Variants in ADGRV1 observed in about 807,000 individuals in gnomAD.
ADGRV1 encodes adhesion G protein-coupled receptor V1.
A neutral mutation model predicts 596.2 loss-of-function variants in ADGRV1; 359 were observed. The observed-to-expected ratio is 0.60, with a 90% CI of 0.55 to 0.66. The LOEUF (loss-of-function observed/expected upper bound fraction) is 0.66. ADGRV1 is among the 30% of genes least tolerant of loss of function. The pLI is 0.00. For missense variants in ADGRV1, 7,274 were observed against 7,575.6 expected, an observed-to-expected ratio of 0.96 and a Z score of 1.48; for synonymous variants, 2,681 against 2,679.2, an observed-to-expected ratio of 1.00 and a Z score of -0.02.
At chr5:91,088,263 C>A (rs1018465459) in intron 86 of ADGRV1, among the ~76,000 whole-genome samples, 4 of 152,054 alleles carry the variant, frequency 2.6e-5, no homozygotes, top group Non-Finnish European at 5.9e-5. Context: ...ATACAATCTC[C>A]AAGACATGTG....
intron 86 of ADGRV1, 77 bp downstream of exon 86, chr5:91,072,681 T>C: frequency 1.4e-6 from 2 of 1,474,104 alleles, no homozygotes; most frequent in Non-Finnish European, 1.9e-6. Context: ...ATTTTTTTTA[T>C]CAAAAAGAGG....
intron 87 of ADGRV1, among the ~76,000 whole-genome samples, chr5:91,105,424 A>C (rs1232036130): frequency 6.6e-6 from 1 of 152,176 alleles, no homozygotes; most frequent in Admixed American, 6.5e-5. Context: ...ACTGTTCTCC[A>C]TAGTGGTTGT....
At chr5:91,155,671 G>C (rs897152851) in intron 89 of ADGRV1, among the ~76,000 whole-genome samples, 1 of 152,264 alleles carries the variant, frequency 6.6e-6, no homozygotes, top group Middle Eastern at 3.4e-3. Context: ...CAATCATTGT[G>C]GGGGAGCAGA....
intron 85 of ADGRV1, among the ~76,000 whole-genome samples, chr5:91,020,925 T>G (rs1783582373): frequency 6.6e-6 from 1 of 152,102 alleles, no homozygotes. Context: ...AGAAGTATTT[T>G]CGTTGAATGT....
At position 90,614,843 on chromosome 5, in the gene ADGRV1, TC is replaced by T. The variant is rs1313535672; in HGVS notation, c.32del (p.Ser11LeufsTer5). The T allele has an allele frequency of 6.2e-7, 1 of 1,607,834 alleles. No individual in the cohort carries two copies. Among genetic ancestry groups the T allele is most frequent in the South Asian group, 1.1e-5 (1 of 90,636 alleles). On this transcript the variant is annotated frameshift_variant, in exon 2 of 90. Transcript: ENST00000405460. LOFTEE classifies it high-confidence loss of function. MSVFLGPGMP[S>X]ASLLVNLLSA... ...TTTTCTTTTTGTTTTAGGGATGCCC[TC>T]TGCATCTTTATTAGTAAATCTTCTT... is the stretch of plus-strand genomic sequence containing the variant.
intron 83 of ADGRV1, among the ~76,000 whole-genome samples, chr5:90,890,295 G>A (rs1336871232): frequency 6.6e-6 from 1 of 152,114 alleles, no homozygotes; most frequent in African/African-American, 2.4e-5. Context: ...ATTCTGCCCT[G>A]TATAAAGGTC....
In ADGRV1 at chr5:90,601,577, A is replaced by C. The variant is rs141411008; in HGVS notation, c.23-13258A>C. ...AAAACATTGGACTTAATCCCAGATC[A>C]AAATAACCAAATAAAGTCAGTAGTC... On this transcript the variant is annotated intron_variant, in intron 1 of 89. Coordinates refer to ENST00000405460, the MANE Select transcript of ADGRV1 (RefSeq NM_032119.4). Among the ~76,000 whole-genome samples the C allele has an allele frequency of 2.6e-5, 4 of 152,372 alleles. No homozygotes were observed. The East Asian group carries it at 7.7e-4, about 29-fold the overall frequency.
chr5:91,153,093 C>T (rs1796192830), intron 88 of ADGRV1, 128 bp from the exon 89 acceptor site: 1 of 673,596 alleles, frequency 1.5e-6, no homozygotes, highest in Non-Finnish European at 2.5e-6. Flanking sequence ...AGTTTCAAAA[C>T]AATGCCACTG....
intron 85 of ADGRV1, among the ~76,000 whole-genome samples, chr5:91,067,141 GA>G (rs1347719316): frequency 2.6e-5 from 3 of 116,684 alleles, no homozygotes; most frequent in African/African-American, 9.2e-5. Context: ...TTGCAAAGGA[GA>G]TTTTTTTTTT....
intron 83 of ADGRV1, among the ~76,000 whole-genome samples, chr5:90,869,597 G>A (rs112604541): frequency 3.4e-4 from 51 of 152,184 alleles, no homozygotes; most frequent in African/African-American, 1.2e-3. Flanking sequence ...AGTGGTAATG[G>A]CAATGAGAAT....
At chr5:90,812,052 C>T (rs1329915487) in intron 74 of ADGRV1, among the ~76,000 whole-genome samples, 1 of 151,570 alleles carries the variant, frequency 6.6e-6, no homozygotes, top group Non-Finnish European at 1.5e-5. Flanking sequence ...CTCAGCTTCC[C>T]GAGTAGCTGG....
intron 57 of ADGRV1, among the ~76,000 whole-genome samples, chr5:90,758,443 A>G (rs922590969): frequency 6.6e-6 from 1 of 152,232 alleles, no homozygotes; most frequent in Admixed American, 6.5e-5. Flanking sequence ...CTTTAATGAC[A>G]TTATCAGCAC....
intron 84 of ADGRV1, among the ~76,000 whole-genome samples, chr5:90,971,238 A>G (rs199811477): frequency 1.3e-4 from 20 of 152,198 alleles, no homozygotes; most frequent in Non-Finnish European, 1.9e-4. Flanking sequence ...TGTACCTGAA[A>G]GTGATGGGGA....
At chr5:90,572,241 C>G (rs1045437023) in intron 1 of ADGRV1, among the ~76,000 whole-genome samples, 7 of 152,150 alleles carry the variant, frequency 4.6e-5, no homozygotes, top group Admixed American at 6.6e-5. Flanking sequence ...TTGATAAGCT[C>G]TTGTTTTGGG....
chr5:90,744,781 A>C (rs1754418820), intron 50 of ADGRV1, among the ~76,000 whole-genome samples: 1 of 152,208 alleles, frequency 6.6e-6, no homozygotes, highest in East Asian at 1.9e-4. Context: ...AAAGAGTTTA[A>C]AATTAGTTTC....
chr5:90,663,378 T>C (rs1228469403), intron 21 of ADGRV1, among the ~76,000 whole-genome samples: 2 of 151,424 alleles, frequency 1.3e-5, no homozygotes, highest in African/African-American at 2.4e-5. Context: ...ATGAGCATTT[T>C]TTCATGTGTT....
chr5:91,072,364 T>C (rs889970633), intron 85 of ADGRV1, 83 bp from the exon 86 acceptor site: 2 of 1,220,466 alleles, frequency 1.6e-6, no homozygotes, highest in Non-Finnish European at 2.4e-6. Context: ...AGAGCTAGTA[T>C]AAAGTAGTGA....
chr5:90,637,628 C>A, intron 10 of ADGRV1, 97 bp from the exon 11 acceptor site: 1 of 774,070 alleles, frequency 1.3e-6, no homozygotes. Flanking sequence ...TATGTTCACA[C>A]AGTAATATAT....
At chr5:90,959,608 A>T (rs1562000836) in intron 83 of ADGRV1, among the ~76,000 whole-genome samples, 2 of 152,214 alleles carry the variant, frequency 1.3e-5, no homozygotes, top group Non-Finnish European at 2.9e-5. Context: ...AACATAGACA[A>T]ATAGATCAAG....
Sources: allele counts gnomAD v4.1 joint callset (sites outside exome capture counted in the v4.1 genomes callset), GRCh38; gene constraint gnomAD v4.1.1; transcripts MANE v1.5; gene names NCBI Gene and HGNC (gene_info 2026-07-23, HGNC 2026-07-21).